The following CTDP1 variants were observed in gnomAD, a reference collection of about 807,000 sequenced individuals.
CTDP1 encodes the protein RNA polymerase II subunit A C-terminal domain phosphatase.
Under a neutral mutation model 91.8 loss-of-function variants are expected in CTDP1, and 47 were observed. That is an observed-to-expected ratio of 0.51 (90% confidence interval 0.41 to 0.65). The LOEUF (loss-of-function observed/expected upper bound fraction) is 0.65. Ranked by LOEUF, CTDP1 falls within the 30% of genes least tolerant of loss-of-function variation. The pLI is 0.00. For missense variants in CTDP1, 1,272 were observed against 1,373.7 expected, an observed-to-expected ratio of 0.93 and a Z score of 1.17; for synonymous variants, 656 against 598.5, an observed-to-expected ratio of 1.10 and a Z score of -1.40.
At chr18:79,747,364 G>A (rs2086902212) in intron 12 of CTDP1, among the ~76,000 whole-genome samples, 1 of 152,168 alleles carries the variant, frequency 6.6e-6, no homozygotes, top group East Asian at 1.9e-4. Context: ...CCAGAGCTGT[G>A]GCATCCCCGC....
At chr18:79,681,215 A>G (rs1029862519) in intron 1 of CTDP1, among the ~76,000 whole-genome samples, 1 of 152,236 alleles carries the variant, frequency 6.6e-6, no homozygotes, top group African/African-American at 2.4e-5. Context: ...TTCCCGTCAC[A>G]GCCCCAGAAC....
intron 7 of CTDP1, among the ~76,000 whole-genome samples, chr18:79,714,151 C>T (rs1178766246): frequency 6.6e-6 from 1 of 152,206 alleles, no homozygotes; most frequent in Non-Finnish European, 1.5e-5. Context: ...GAGGATCCCT[C>T]CTCCCCCAAA....
intron 11 of CTDP1, chr18:79,735,934 C>G (rs2086658922): frequency 4.8e-6 from 1 of 209,848 alleles, no homozygotes; most frequent in Admixed American, 5.2e-5. Flanking sequence ...GGTGGCTGCT[C>G]TCCCAGATTC....
chr18:79,720,200 T>C (rs1022960933), intron 10 of CTDP1, among the ~76,000 whole-genome samples: 3 of 146,394 alleles, frequency 2.0e-5, no homozygotes. Flanking sequence ...TCATCTCCTG[T>C]CGTTAGGAAG....
intron 1 of CTDP1, among the ~76,000 whole-genome samples, chr18:79,682,185 C>T (rs1485879499): frequency 6.6e-6 from 1 of 152,178 alleles, no homozygotes; most frequent in Non-Finnish European, 1.5e-5. Flanking sequence ...TCCGTGTGGT[C>T]CAGATGACAC....
At chr18:79,731,350 G>A (rs2086563129) in intron 11 of CTDP1, among the ~76,000 whole-genome samples, 1 of 152,226 alleles carries the variant, frequency 6.6e-6, no homozygotes, top group South Asian at 2.1e-4. Context: ...GTCGACAGAG[G>A]AGAGGCAAAG....
At chr18:79,679,344 C>T (rs1232047324), upstream of CTDP1, 4 of 445,940 alleles carry the variant, frequency 9.0e-6, no homozygotes, top group African/African-American at 6.0e-5. Flanking sequence ...TCTGGGCCCG[C>T]GGCGCGCAAG....
intron 1 of CTDP1, 107 bp from the exon 2 acceptor site, chr18:79,695,118 T>G (rs1334318124): frequency 1.1e-6 from 1 of 942,586 alleles, no homozygotes; most frequent in Non-Finnish European, 1.7e-6. Flanking sequence ...TATGCAAGGG[T>G]TAGTGTAGAA....
chr18:79,736,550 C>T (rs530704330), intron 12 of CTDP1, 29 bp downstream of exon 12: 2 of 1,512,602 alleles, frequency 1.3e-6, no homozygotes, highest in African/African-American at 2.8e-5. Context: ...GTGGGAGGGG[C>T]CTGACACGGG....
At chr18:79,708,701 C>T (rs954648411) in intron 5 of CTDP1, among the ~76,000 whole-genome samples, 2 of 152,396 alleles carry the variant, frequency 1.3e-5, no homozygotes, top group South Asian at 2.1e-4. Flanking sequence ...AGGGGACCTG[C>T]GTGCCATGAC....
At chr18:79,709,466 T>TAG (rs1227889949) in intron 5 of CTDP1, among the ~76,000 whole-genome samples, 1 of 152,206 alleles carries the variant, frequency 6.6e-6, no homozygotes, top group Non-Finnish European at 1.5e-5. Context: ...TCCTGAAGTG[T>TAG]AGAAGGGATG....
In CTDP1 at chr18:79,697,959, G is replaced by A. The variant is rs1297261793; in HGVS notation, c.592G>A (p.Glu198Lys). 4 of 1,614,058 alleles carry A rather than the reference G, an allele frequency of 2.5e-6. No homozygotes were observed. The highest frequency in any genetic ancestry group is 2.2e-5 in the South Asian group (2 of 91,084). The change falls in exon 4 of 13, where the codon GAG becomes AAG. Residue 198 changes from glutamate (E) to lysine (K), a missense_variant. By Grantham distance (56) the Glu-to-Lys change is moderately conservative. This residue lies in a region of CTDP1 where 177 missense variants were observed against 283.0 expected (regional missense o/e 0.63). Coordinates refer to ENST00000613122, the MANE Select transcript of CTDP1 (RefSeq NM_004715.5). The part of the protein sequence containing the change: ...DLDQTLIHTT[E>K]QHCQQMSNKG... ...GGACCAGACGTTGATTCACACAACCGAGCAGCACTGTCAGCAGATGTCGAA... is the reference window on the plus strand; with the variant it reads ...GGACCAGACGTTGATTCACACAACCAAGCAGCACTGTCAGCAGATGTCGAA...
At chr18:79,714,461 G>A (rs772709617) in intron 7 of CTDP1, 30 bp from the exon 8 acceptor site, 16 of 1,608,474 alleles carry the variant, frequency 9.9e-6, no homozygotes, top group Middle Eastern at 1.6e-4. Flanking sequence ...GCTAAATTGC[G>A]GTAACTTTTC....
Position 79,681,361 on chromosome 18 carries a change from C to T in CTDP1, c.314+1100C>T, listed in dbSNP as rs978071777. The T allele has an allele frequency of 5.5e-6, 4 of 731,428 alleles. No homozygotes were observed. In the African/African-American group the frequency reaches 7.7e-5, roughly 14 times the overall value. The allele number at this position is 731,428 out of a possible 1,614,324, so 45.3% of individuals were successfully genotyped here. Reference sequence around the variant, plus strand: ...TGCCTCCCAGAAAATGCCTTCACGGCTTCCTCAGTGGGCACTGGCCGTACC... The same window carrying T: ...TGCCTCCCAGAAAATGCCTTCACGGTTTCCTCAGTGGGCACTGGCCGTACC... On this transcript the variant is annotated intron_variant, in intron 1 of 12. Transcript: ENST00000613122.
At chr18:79,742,386 T>C (rs926757853) in intron 12 of CTDP1, among the ~76,000 whole-genome samples, 2 of 152,158 alleles carry the variant, frequency 1.3e-5, no homozygotes, top group African/African-American at 4.8e-5. Context: ...TCCTCAGAGA[T>C]GGCACCACCA....
intron 5 of CTDP1, among the ~76,000 whole-genome samples, chr18:79,708,832 A>G (rs912009513): frequency 3.9e-5 from 6 of 152,194 alleles, no homozygotes; most frequent in African/African-American, 1.4e-4. Flanking sequence ...AATGTGTTCA[A>G]TTTTCTTACA....
At chr18:79,748,818 T>G (rs546970399) in intron 12 of CTDP1, among the ~76,000 whole-genome samples, 1 of 151,782 alleles carries the variant, frequency 6.6e-6, no homozygotes, top group Non-Finnish European at 1.5e-5. Flanking sequence ...GGGAGCCGTG[T>G]CTGCCTGGGA....
At chr18:79,744,259 CAT>C (rs1321139221) in intron 12 of CTDP1, among the ~76,000 whole-genome samples, 1 of 152,310 alleles carries the variant, frequency 6.6e-6, no homozygotes. Context: ...ACCTCAGGCA[CAT>C]GTCAGGCCCT....
At chr18:79,717,704 C>T (rs374517114) in intron 9 of CTDP1, 28 bp downstream of exon 9, 25 of 1,613,820 alleles carry the variant, frequency 1.5e-5, no homozygotes, top group African/African-American at 1.1e-4. Context: ...CCAGCAGGTC[C>T]GTGCCAGGCG....
Sources: gnomAD v4.1 joint callset for allele counts (sites outside exome capture counted in the v4.1 genomes callset) on GRCh38, gnomAD v4.1.1 for gene constraint, gnomAD v4.1.1 regional missense constraint, MANE v1.5 for transcripts, NCBI Gene and HGNC (gene_info 2026-07-23, HGNC 2026-07-21) for gene names.